Variants in DACH2 observed in about 807,000 individuals in gnomAD.
The protein encoded by DACH2 is dachshund homolog 2.
Under a neutral mutation model 35.8 loss-of-function variants are expected in DACH2, and 17 were observed. The ratio of observed to expected loss-of-function variants is 0.48; its 90% CI spans 0.33 to 0.71. The LOEUF (loss-of-function observed/expected upper bound fraction) is 0.71, where lower values mean the gene tolerates loss of function less well. Ranked by LOEUF, DACH2 falls within the 30% of genes least tolerant of loss-of-function variation. The pLI, the probability that DACH2 is intolerant of heterozygous loss-of-function variation, is 0.02. For synonymous variants in DACH2, 195 were observed against 177.3 expected (o/e 1.10, Z -0.79); for missense variants, 469 against 472.7 (o/e 0.99, Z 0.07).
chrX:86,246,356 A>G (rs2033283608), intron 1 of DACH2, among the ~76,000 whole-genome samples: 1 of 107,497 alleles, frequency 9.3e-6, no homozygotes, highest in African/African-American at 3.4e-5. Flanking sequence ...TCCCCAAGAC[A>G]TATAGTCATC....
Position 86,402,882 on chromosome X carries a change from C to T in DACH2, c.527+26020C>T, listed in dbSNP as rs187757674. Among the ~76,000 whole-genome samples the T allele has an allele frequency of 4.2e-3, 470 of 111,824 alleles. 2 individuals carry two copies. The highest frequency in any genetic ancestry group is 5.5e-3 in the Non-Finnish European group (290 of 53,149). ...CAGAAAACTAAGAAATAAATCCACA[C>T]ACCTACAACCATCTGATCTTTTTAA... On this transcript the variant is annotated intron_variant, in intron 2 of 11. Coordinates refer to ENST00000373125, the MANE Select transcript of DACH2 (RefSeq NM_053281.3).
intron 3 of DACH2, among the ~76,000 whole-genome samples, chrX:86,574,986 T>C (rs1363753039): frequency 8.9e-6 from 1 of 111,870 alleles, no homozygotes; most frequent in Non-Finnish European, 1.9e-5. Flanking sequence ...ATTTCTTAAA[T>C]ACTAATTTAT....
At chrX:86,601,446 C>A (rs1035774344) in intron 3 of DACH2, among the ~76,000 whole-genome samples, 2 of 111,355 alleles carry the variant, frequency 1.8e-5, no homozygotes, top group African/African-American at 6.5e-5. Flanking sequence ...AAATATTGTT[C>A]TAGTCAAGCA....
chrX:86,406,878 C>A (rs1179056674), intron 2 of DACH2, among the ~76,000 whole-genome samples: 1 of 111,919 alleles, frequency 8.9e-6, no homozygotes. Context: ...ATACATATTA[C>A]AAGTTAATTA....
chrX:86,270,006 A>T (rs1386773317), intron 1 of DACH2, among the ~76,000 whole-genome samples: 3 of 102,631 alleles, frequency 2.9e-5, no homozygotes, highest in African/African-American at 1.1e-4. Context: ...TTCATGTTTT[A>T]ATTATATATA....
chrX:86,450,428 T>G (rs1039644234), intron 2 of DACH2, among the ~76,000 whole-genome samples: 1 of 111,830 alleles, frequency 8.9e-6, no homozygotes, highest in Admixed American at 9.6e-5. Context: ...CTACATAGTA[T>G]TCCATGGTGC....
Position 86,148,558 on chromosome X carries a change from G to T in DACH2, c.-63G>T. The T allele has an allele frequency of 2.7e-6, 3 of 1,100,041 alleles. No individual in the cohort carries two copies. Among genetic ancestry groups the T allele is most frequent in the Non-Finnish European group, 3.6e-6 (3 of 833,582 alleles). 90.7% of individuals were successfully genotyped at this position (1,100,041 alleles called of 1,213,427 possible). A position where few individuals can be genotyped will look rare whatever the true frequency, so the allele number is the denominator to read the frequency against. On this transcript the variant is annotated 5_prime_UTR_variant, in exon 1 of 12. Transcript: ENST00000373125. Reference sequence around the variant, plus strand: ...GAGAGTGAGGGAGTGAGTGCGAGGGGATCTAGAGGAGTCAGGGCGAGAAAG... The same window carrying T: ...GAGAGTGAGGGAGTGAGTGCGAGGGTATCTAGAGGAGTCAGGGCGAGAAAG...
chrX:86,729,745 G>T (rs1447184266), intron 6 of DACH2, among the ~76,000 whole-genome samples: 1 of 110,873 alleles, frequency 9.0e-6, no homozygotes, highest in Non-Finnish European at 1.9e-5. Context: ...ATGAGATCTG[G>T]TTATTTAAAA....
chrX:86,743,015 C>T (rs1456151140), intron 7 of DACH2, among the ~76,000 whole-genome samples: 1 of 111,642 alleles, frequency 9.0e-6, no homozygotes, highest in Non-Finnish European at 1.9e-5. Flanking sequence ...CTTTGTATTA[C>T]ATATTTACTT....
intron 1 of DACH2, among the ~76,000 whole-genome samples, chrX:86,316,854 T>A (rs1287549251): frequency 9.0e-6 from 1 of 111,296 alleles, no homozygotes. Context: ...GCACGGTGCC[T>A]CACGCCTGTA....
Position 86,355,080 on chromosome X carries a change from C to T in DACH2, c.489-21744C>T, listed in dbSNP as rs1166880129. On this transcript the variant is annotated intron_variant, in intron 1 of 11. Transcript: ENST00000373125. ...TCACCCTCCACCCTCAAGTAGGCCT[C>T]AGTATCTATTGTTCCCTTTTTTCTG... is the stretch of plus-strand genomic sequence containing the variant. Among the ~76,000 whole-genome samples, 4 of 111,379 alleles carry T rather than the reference C, an allele frequency of 3.6e-5. No homozygotes were observed. The East Asian group carries it at 1.1e-3, about 32-fold the overall frequency.
rs756653506 is a variant in DACH2 at position 86,349,996 on chromosome X, C to T, written c.489-26828C>T. 7.2e-5 allele frequency among the ~76,000 whole-genome samples: 8 copies of T among 110,929 alleles called. No homozygotes were observed. In the East Asian group the frequency reaches 1.1e-3, roughly 16 times the overall value. On this transcript the variant is annotated intron_variant, in intron 1 of 11. Transcript: ENST00000373125. ...GCCTGGCCAACCTGGTGAAACCCCC[C>T]GTCTCTACTAAAAATACAAAAATTA... is the stretch of plus-strand genomic sequence containing the variant.
At chrX:86,343,197 G>C (rs1341318232) in intron 1 of DACH2, among the ~76,000 whole-genome samples, 1 of 111,288 alleles carries the variant, frequency 9.0e-6, no homozygotes, top group African/African-American at 3.3e-5. Flanking sequence ...TTGGGTAATG[G>C]CTTATTCTTT....
At chrX:86,317,325 C>T (rs997527872) in intron 1 of DACH2, among the ~76,000 whole-genome samples, 1 of 111,048 alleles carries the variant, frequency 9.0e-6, no homozygotes, top group Non-Finnish European at 1.9e-5. Context: ...AACGAAACCT[C>T]TGGGTTATAG....
rs1238195370 is a variant in DACH2 at position 86,586,574 on chromosome X, C to T, written c.641-64462C>T. Among the ~76,000 whole-genome samples the T allele has an allele frequency of 2.7e-5, 3 of 111,529 alleles. No individual in the cohort carries two copies. In the Admixed American group the frequency reaches 2.9e-4, roughly 11 times the overall value. Reference sequence around the variant, plus strand: ...TTACATTTGGGTTTTACATTTAAGTCTTTAATCCATCTTCAGTTGATTTTT... The same window carrying T: ...TTACATTTGGGTTTTACATTTAAGTTTTTAATCCATCTTCAGTTGATTTTT... On this transcript the variant is annotated intron_variant, in intron 3 of 11. Transcript: ENST00000373125.
chrX:86,780,513 A>G (rs1419488539), intron 7 of DACH2, among the ~76,000 whole-genome samples: 1 of 112,211 alleles, frequency 8.9e-6, no homozygotes, highest in Non-Finnish European at 1.9e-5. Context: ...TTAGAGCTGG[A>G]AAATTTACAA....
chrX:86,595,884 A>G (rs1193905971), intron 3 of DACH2, among the ~76,000 whole-genome samples: 2 of 110,546 alleles, frequency 1.8e-5, no homozygotes, highest in East Asian at 5.7e-4. Flanking sequence ...GAAACCCCAT[A>G]CTCATTAAAG....
intron 3 of DACH2, among the ~76,000 whole-genome samples, chrX:86,650,165 T>TA (rs1379308785): frequency 9.0e-6 from 1 of 110,892 alleles, no homozygotes; most frequent in Non-Finnish European, 1.9e-5. Context: ...ATTCACTTTT[T>TA]AATCTATGGC....
chrX:86,177,905 A>G (rs1482034129), intron 1 of DACH2, among the ~76,000 whole-genome samples: 1 of 111,362 alleles, frequency 9.0e-6, no homozygotes, highest in East Asian at 2.8e-4. Flanking sequence ...CTCAATCAGG[A>G]TAGGTTGTCC....
Sources: allele counts gnomAD v4.1 joint callset (sites outside exome capture counted in the v4.1 genomes callset), GRCh38; gene constraint gnomAD v4.1.1; transcripts MANE v1.5; gene names NCBI Gene and HGNC (gene_info 2026-07-23, HGNC 2026-07-21).